VWF: variants seen among roughly 807,000 people sequenced by gnomAD.
VWF encodes the protein Factor VIII related antigen.
VWF carries 176 observed loss-of-function variants against 308.6 expected under a neutral mutation model. The observed-to-expected ratio is 0.57, with a 90% confidence interval of 0.50 to 0.65. The LOEUF is 0.65. Ranked by LOEUF, VWF falls within the 30% of genes least tolerant of loss-of-function variation. The pLI is 0.00. For missense variants in VWF, 3,146 were observed against 3,648.2 expected (o/e 0.86, Z 3.55); for synonymous variants, 1,385 against 1,443.4 (o/e 0.96, Z 0.92).
rs762003257 is a variant in VWF, at chr12:6,064,232, A to G, written c.1432+14T>C. 1.7e-5 allele frequency: 27 copies of G among 1,614,012 alleles called. No homozygotes were observed. Among genetic ancestry groups the G allele is most frequent in the Non-Finnish European group, 1.9e-5 (23 of 1,180,052 alleles). On this transcript the variant is annotated intron_variant, in intron 12 of 51. Coordinates refer to ENST00000261405, the MANE Select transcript of VWF (RefSeq NM_000552.5). The stretch of plus-strand genomic sequence containing the variant: ...GTGCCAGCCCCAGGCCTGATGGAGC[A>G]GGACGAAGCATACCTTTCAGGAGGG...
Position 5,981,840 on chromosome 12 carries a change from G to A in VWF, c.7233C>T (p.Ala2411=), listed in dbSNP as rs1305822156. The stretch of plus-strand genomic sequence containing the variant: ...AGCCACAGTCATTGGTGGCAGTTGA[G>A]GCCAAGTACCCAAGGGGACAGCTCA... ...STVSCPLGYL[A]STATNDCGCT... Residue 2411 remains alanine, a synonymous_variant, in exon 42 of 52, where the codon GCC becomes GCT. Transcript: ENST00000261405. The A allele has an allele frequency of 5.0e-6, 8 of 1,614,014 alleles. No individual in the cohort carries two copies. Among genetic ancestry groups the A allele is most frequent in the African/African-American group, 1.3e-5 (1 of 74,910 alleles).
intron 42 of VWF, among the ~76,000 whole-genome samples, chr12:5,978,393 G>C (rs1442949105): frequency 6.6e-6 from 1 of 152,142 alleles, no homozygotes; most frequent in Non-Finnish European, 1.5e-5. Flanking sequence ...CTACAGAGTA[G>C]CTGGAATTAC....
Position 6,025,635 on chromosome 12 carries a change from A to C in VWF, c.3167T>G (p.Val1056Gly). 2 of 1,574,740 alleles carry C rather than the reference A, an allele frequency of 1.3e-6. No individual in the cohort carries two copies. Among genetic ancestry groups the C allele is most frequent in the Non-Finnish European group, 1.7e-6 (2 of 1,146,962 alleles). The change falls in exon 24 of 52, where the codon GTG (valine) becomes GGG (glycine). Residue 1056 changes from valine to glycine, a missense_variant. Physicochemically the swap from Val to Gly is moderately radical, Grantham distance 109. Transcript: ENST00000261405. ...CHNNIMKQTMVDSSCRILTSD... is the reference protein window; with the variant it reads ...CHNNIMKQTMGDSSCRILTSD... ...GGTAAGGATTCTACAGGAGGAATCCACCATCGTCTGCTTCATGATGTTGTT... is the reference window on the plus strand; with the variant it reads ...GGTAAGGATTCTACAGGAGGAATCCCCCATCGTCTGCTTCATGATGTTGTT...
At chr12:6,082,863 C>A (rs1789725559) in intron 6 of VWF, among the ~76,000 whole-genome samples, 1 of 152,206 alleles carries the variant, frequency 6.6e-6, no homozygotes. Flanking sequence ...GGTGCAAACC[C>A]TGAGTGCCTG....
intron 47 of VWF, 63 bp from the exon 48 acceptor site, chr12:5,953,657 A>C: frequency 7.1e-7 from 1 of 1,401,436 alleles, no homozygotes; most frequent in Admixed American, 1.7e-5. Flanking sequence ...AATTGTAAGT[A>C]GGCTGATTTT....
At chr12:6,070,635 C>T (rs764732368) in intron 10 of VWF, among the ~76,000 whole-genome samples, 6 of 152,300 alleles carry the variant, frequency 3.9e-5, no homozygotes, top group Non-Finnish European at 5.9e-5. Context: ...GAAAACACCA[C>T]GTGAGTGAGC....
chr12:6,113,010 T>C (rs2136525663), intron 3 of VWF, among the ~76,000 whole-genome samples: 1 of 152,304 alleles, frequency 6.6e-6, no homozygotes, highest in East Asian at 1.9e-4. Flanking sequence ...GGAATAGTTT[T>C]AATGATATGC....
chr12:6,047,773 G>T (rs543073788), intron 16 of VWF, among the ~76,000 whole-genome samples: 1 of 152,184 alleles, frequency 6.6e-6, no homozygotes, highest in Admixed American at 6.5e-5. Context: ...GTGAAGACAC[G>T]GACCACTTGT....
Position 6,075,618 on chromosome 12 carries a change from T to C in VWF, c.658-67A>G. The C allele has an allele frequency of 1.3e-6, 2 of 1,541,732 alleles. No homozygotes were observed. Among genetic ancestry groups the C allele is most frequent in the East Asian group, 2.4e-5 (1 of 41,392 alleles). ...GTCTCCCTGAGTGTGGCACTGAGACTTAGCCCTGCTAGGGAAACCAAGGCA... is the reference window on the plus strand; with the variant it reads ...GTCTCCCTGAGTGTGGCACTGAGACCTAGCCCTGCTAGGGAAACCAAGGCA... On this transcript the variant is annotated intron_variant, in intron 6 of 51. Transcript: ENST00000261405. This position sits in a 1 kb window ranked among gnomAD's most constrained non-coding sequence, Gnocchi z 4.7.
At chr12:5,962,777 T>C (rs139727584) in intron 47 of VWF, among the ~76,000 whole-genome samples, 6,787 of 152,164 alleles carry the variant, frequency 0.045, 200 homozygotes, top group South Asian at 0.12. Flanking sequence ...TCTTGATCTC[T>C]TGACCTGGTG....
chr12:5,994,613 C>T lies in VWF; in HGVS notation c.6064-6G>A, dbSNP rs544660958. On this transcript the variant is annotated splice_region_variant and splice_polypyrimidine_tract_variant and intron_variant, in intron 35 of 51. Transcript: ENST00000261405. ...AGTCTCCCATTCACCGTCACCTGCA[C>T]AAAGAAGAAAGAGCTCATCCGTAGT... 6.2e-7 allele frequency: 1 copy of T among 1,613,754 alleles called. No individual in the cohort carries two copies. Among genetic ancestry groups the T allele is most frequent in the South Asian group, 1.1e-5 (1 of 91,078 alleles).
chr12:6,010,846 A>C (rs1428828878), intron 34 of VWF, among the ~76,000 whole-genome samples: 1 of 152,214 alleles, frequency 6.6e-6, no homozygotes. Flanking sequence ...ATTATTACGC[A>C]AGAGTGGGTA....
At chr12:6,089,223 G>C (rs991321822) in intron 6 of VWF, among the ~76,000 whole-genome samples, 1 of 152,194 alleles carries the variant, frequency 6.6e-6, no homozygotes, top group Admixed American at 6.5e-5. Context: ...CTTGGGAGAC[G>C]AGTCATTGTG....
chr12:5,998,753 G>C (rs776286605), intron 34 of VWF, among the ~76,000 whole-genome samples: 1 of 151,694 alleles, frequency 6.6e-6, no homozygotes, highest in Non-Finnish European at 1.5e-5. Context: ...TCCAAGAGAA[G>C]TGTCACTCTT....
At chr12:5,969,421 C>G (rs1943444515) in intron 44 of VWF, 30 bp from the exon 45 acceptor site, 1 of 1,613,724 alleles carries the variant, frequency 6.2e-7, no homozygotes, top group African/African-American at 1.3e-5. Flanking sequence ...GTCCAACAAG[C>G]TGGGGCAGGG....
intron 6 of VWF, among the ~76,000 whole-genome samples, chr12:6,088,433 C>G (rs1417184713): frequency 6.7e-6 from 1 of 148,854 alleles, no homozygotes; most frequent in African/African-American, 2.5e-5. Flanking sequence ...GAGCCAAGAT[C>G]GCACTACTGC....
At chr12:6,100,619 A>G (rs1945152240) in intron 5 of VWF, among the ~76,000 whole-genome samples, 1 of 152,170 alleles carries the variant, frequency 6.6e-6, no homozygotes, top group Non-Finnish European at 1.5e-5. Flanking sequence ...GGAAATCATC[A>G]TTCTCAGTAA....
intron 42 of VWF, among the ~76,000 whole-genome samples, chr12:5,977,519 G>A (rs1011726789): frequency 1.3e-5 from 2 of 152,058 alleles, no homozygotes; most frequent in Non-Finnish European, 2.9e-5. Flanking sequence ...TATGAGAAAT[G>A]GGAAGAAATA....
chr12:6,115,767 C>G (rs1391906058), intron 3 of VWF, among the ~76,000 whole-genome samples: 1 of 152,172 alleles, frequency 6.6e-6, no homozygotes, highest in Non-Finnish European at 1.5e-5. Flanking sequence ...CCAGCAGCCT[C>G]CTGGTCTCTA....
Sources: gnomAD v4.1 joint callset for allele counts (sites outside exome capture counted in the v4.1 genomes callset) on GRCh38, gnomAD v4.1.1 for gene constraint, Gnocchi (gnomAD v3.1) non-coding constraint, MANE v1.5 for transcripts, NCBI Gene and HGNC (gene_info 2026-07-23, HGNC 2026-07-21) for gene names.